SLC17A6: variants seen among roughly 807,000 people sequenced by gnomAD.
The protein encoded by SLC17A6 is vesicular glutamate transporter 2.
Under a neutral mutation model 67.1 loss-of-function variants are expected in SLC17A6, and 35 were observed. The ratio of observed to expected loss-of-function variants is 0.52; its 90% CI spans 0.40 to 0.69. The LOEUF (loss-of-function observed/expected upper bound fraction) is 0.69, where lower values mean the gene tolerates loss of function less well. Ranked by LOEUF, SLC17A6 falls within the 30% of genes least tolerant of loss-of-function variation. SLC17A6 has a pLI of 0.00. For synonymous variants in SLC17A6, 285 were observed against 252.3 expected, an observed-to-expected ratio of 1.13 and a Z score of -1.23; for missense variants, 588 against 723.9, an observed-to-expected ratio of 0.81 and a Z score of 2.15.
At chr11:22,351,968 C>G (rs1381867267) in intron 3 of SLC17A6, among the ~76,000 whole-genome samples, 1 of 151,976 alleles carries the variant, frequency 6.6e-6, no homozygotes, top group African/African-American at 2.4e-5. Flanking sequence ...ATATTTAATG[C>G]TTCTGTCTTC....
intron 5 of SLC17A6, chr11:22,361,276 G>A (rs1305071867): frequency 9.0e-6 from 2 of 221,304 alleles, no homozygotes; most frequent in African/African-American, 4.6e-5. Flanking sequence ...CCATTTTTTT[G>A]AGAACCTCAG....
intron 3 of SLC17A6, among the ~76,000 whole-genome samples, chr11:22,350,929 A>G (rs999940682): frequency 6.6e-6 from 1 of 152,190 alleles, no homozygotes; most frequent in Non-Finnish European, 1.5e-5. Flanking sequence ...TTTCATTGAT[A>G]GTTTGTTTTC....
chr11:22,341,515 C>T lies in SLC17A6; in HGVS notation c.87-13C>T. On this transcript the variant is annotated splice_polypyrimidine_tract_variant and intron_variant, in intron 1 of 11. Coordinates refer to ENST00000263160, the MANE Select transcript of SLC17A6 (RefSeq NM_020346.3). ...CCGCCAAGTCCTTGACTCGCCCCTGCTCTGCCGCGCAGGGTGCTGGAGAAG... is the reference window on the plus strand; with the variant it reads ...CCGCCAAGTCCTTGACTCGCCCCTGTTCTGCCGCGCAGGGTGCTGGAGAAG... 1.2e-6 allele frequency: 2 copies of T among 1,611,588 alleles called. No individual in the cohort carries two copies. Among genetic ancestry groups the T allele is most frequent in the South Asian group, 1.1e-5 (1 of 91,016 alleles).
intron 5 of SLC17A6, among the ~76,000 whole-genome samples, chr11:22,361,635 G>A (rs1856053867): frequency 6.6e-6 from 1 of 152,014 alleles, no homozygotes; most frequent in African/African-American, 2.4e-5. Context: ...ACTATTTTGG[G>A]AAATAGAATT....
chr11:22,347,319 C>T (rs1249125749), intron 3 of SLC17A6, among the ~76,000 whole-genome samples: 1 of 151,784 alleles, frequency 6.6e-6, no homozygotes, highest in South Asian at 2.1e-4. Flanking sequence ...TACTAAGTAA[C>T]TGAATGATAT....
At chr11:22,366,670 A>C (rs1235511562) in intron 7 of SLC17A6, among the ~76,000 whole-genome samples, 1 of 152,170 alleles carries the variant, frequency 6.6e-6, no homozygotes, top group Non-Finnish European at 1.5e-5. Flanking sequence ...GTACATAGTA[A>C]TTAATACAAA....
chr11:22,346,278 G>A (rs1304060478), intron 3 of SLC17A6, among the ~76,000 whole-genome samples: 1 of 152,100 alleles, frequency 6.6e-6, no homozygotes, highest in Non-Finnish European at 1.5e-5. Context: ...TACATCTCTT[G>A]GCAAATTTCT....
Position 22,376,583 on chromosome 11 carries a change from G to T in SLC17A6, c.1324G>T (p.Ala442Ser). 1 of 1,613,832 alleles carries T rather than the reference G, an allele frequency of 6.2e-7. No individual in the cohort carries two copies. Among genetic ancestry groups the T allele is most frequent in the Middle Eastern group, 1.7e-4 (1 of 6,058 alleles). The stretch of plus-strand genomic sequence containing the variant: ...CCACTTGGATATCGCTCCAAGATAT[G>T]CCAGTATCTTAATGGGCATTTCGAA... Reference protein sequence around the residue: ...VNHLDIAPRYASILMGISNGV... With the variant: ...VNHLDIAPRYSSILMGISNGV... The change falls in exon 11 of 12, where the codon GCC becomes TCC. Residue 442 changes from alanine to serine, a missense_variant. By Grantham distance (99) the Ala-to-Ser change is moderately conservative. This residue lies in a region of SLC17A6 where 414 missense variants were observed against 563.4 expected (regional missense o/e 0.73). Transcript: ENST00000263160.
chr11:22,370,025 T>C lies in SLC17A6; in HGVS notation c.892-14T>C, dbSNP rs1469967885. The C allele has an allele frequency of 1.2e-6, 2 of 1,603,052 alleles. No homozygotes were observed. Among genetic ancestry groups the C allele is most frequent in the Admixed American group, 3.5e-5 (2 of 57,668 alleles). ...TTTAAAATGGTCATAATGTCTCTCT[T>C]TTTGGAATTTCAGAAATTCAAGACT... On this transcript the variant is annotated splice_polypyrimidine_tract_variant and intron_variant, in intron 7 of 11. Transcript: ENST00000263160.
chr11:22,343,431 G>A, intron 3 of SLC17A6, 66 bp downstream of exon 3: 1 of 1,395,462 alleles, frequency 7.2e-7, no homozygotes, highest in Non-Finnish European at 9.9e-7. Flanking sequence ...GGCAGCAGAA[G>A]CTGGAGCAGA....
rs553680619 is a variant in SLC17A6 at position 22,372,977 on chromosome 11, A to T, written c.1042-1778A>T. Among the ~76,000 whole-genome samples the T allele has an allele frequency of 7.9e-5, 12 of 152,294 alleles. 1 individual carries two copies. The highest frequency in any genetic ancestry group is 2.9e-4 in the African/African-American group (12 of 41,568). ...ACATATTAAGAAAATAGGAGAGTCA[A>T]TACCCTTAAATGTTAAATCAATATG... On this transcript the variant is annotated intron_variant, in intron 8 of 11. Coordinates refer to ENST00000263160, the MANE Select transcript of SLC17A6 (RefSeq NM_020346.3).
In SLC17A6 at chr11:22,360,945, C is replaced by T; in HGVS notation, c.622C>T (p.Pro208Ser). The change falls in exon 5 of 12, where the codon CCT becomes TCT. Residue 208 changes from proline (P) to serine (S), a missense_variant. Coordinates refer to ENST00000263160, the MANE Select transcript of SLC17A6 (RefSeq NM_020346.3). The part of the protein sequence containing the change: ...CHGIWSKWAP[P>S]LERSRLATTS... Reference sequence around the variant, plus strand: ...TGGGATATGGAGCAAATGGGCCCCACCTCTAGAGAGGAGTAGACTGGCAAC... The same window carrying T: ...TGGGATATGGAGCAAATGGGCCCCATCTCTAGAGAGGAGTAGACTGGCAAC... 2.5e-6 allele frequency: 4 copies of T among 1,613,982 alleles called. No individual in the cohort carries two copies. Among genetic ancestry groups the T allele is most frequent in the Admixed American group, 1.7e-5 (1 of 60,018 alleles).
intron 3 of SLC17A6, among the ~76,000 whole-genome samples, chr11:22,348,205 C>T (rs1289866429): frequency 6.6e-6 from 1 of 152,050 alleles, no homozygotes; most frequent in African/African-American, 2.4e-5. Context: ...TAACATGTCT[C>T]TCTGATACTA....
At chr11:22,359,377 A>G in intron 3 of SLC17A6, 36 bp from the exon 4 acceptor site, 3 of 1,328,108 alleles carry the variant, frequency 2.3e-6, no homozygotes, top group Non-Finnish European at 3.1e-6. Flanking sequence ...AAGATGCTGA[A>G]TCATTTAAAC....
At position 22,377,582 on chromosome 11, in the gene SLC17A6, A is replaced by G. The variant is rs1185474933; in HGVS notation, c.1591A>G (p.Ile531Val). 1.9e-6 allele frequency: 3 copies of G among 1,614,054 alleles called. No homozygotes were observed. Among genetic ancestry groups the G allele is most frequent in the East Asian group, 2.2e-5 (1 of 44,886 alleles). The change falls in exon 12 of 12, where the codon ATT (isoleucine) becomes GTT (valine). Residue 531 changes from isoleucine to valine, a missense_variant. Transcript: ENST00000263160. Reference sequence around the variant, plus strand: ...TGAACTCGATGAAGAAACAGGGGACATTACTCAAAATTATATAAATTATGG... The same window carrying G: ...TGAACTCGATGAAGAAACAGGGGACGTTACTCAAAATTATATAAATTATGG... ...EDELDEETGDITQNYINYGTT... is the reference protein window; with the variant it reads ...EDELDEETGDVTQNYINYGTT...
At chr11:22,375,751 A>G (rs2133879433) in intron 9 of SLC17A6, among the ~76,000 whole-genome samples, 1 of 152,250 alleles carries the variant, frequency 6.6e-6, no homozygotes, top group East Asian at 1.9e-4. Flanking sequence ...AAGTTCTGGG[A>G]TTACAGACAT....
chr11:22,376,167 CT>C, intron 10 of SLC17A6, 75 bp downstream of exon 10: 2 of 865,998 alleles, frequency 2.3e-6, no homozygotes, highest in Non-Finnish European at 3.6e-6. Context: ...ATACATATAC[CT>C]TTTTATAGAT....
intron 6 of SLC17A6, among the ~76,000 whole-genome samples, chr11:22,363,068 TA>T (rs1203592629): frequency 1.3e-5 from 2 of 152,218 alleles, no homozygotes; most frequent in South Asian, 4.1e-4. Flanking sequence ...CTTTGTCATT[TA>T]GTAAATCTAT....
chr11:22,369,025 C>T (rs1370884480), intron 7 of SLC17A6, among the ~76,000 whole-genome samples: 1 of 151,950 alleles, frequency 6.6e-6, no homozygotes, highest in African/African-American at 2.4e-5. Context: ...GTTTTCCATT[C>T]AGGAATAATT....
Sources: allele counts gnomAD v4.1 joint callset (sites outside exome capture counted in the v4.1 genomes callset), GRCh38; gene constraint gnomAD v4.1.1; regional missense constraint gnomAD v4.1.1; transcripts MANE v1.5; gene names NCBI Gene and HGNC (gene_info 2026-07-23, HGNC 2026-07-21).